Variants in IARS1 observed in about 807,000 individuals in gnomAD.
IARS1 encodes the protein isoleucyl-tRNA synthetase 1, also known as isoleucine--tRNA ligase, cytoplasmic.
A neutral mutation model predicts 168.2 loss-of-function variants in IARS1; 124 were observed. The ratio of observed to expected loss-of-function variants is 0.74; its 90% CI spans 0.64 to 0.86. The LOEUF (loss-of-function observed/expected upper bound fraction) is 0.86. Ranked by LOEUF, IARS1 falls within the 40% of genes least tolerant of loss-of-function variation. The probability of loss-of-function intolerance (pLI) is 0.00; values close to 1 mark genes in which losing one functional copy is unlikely to be tolerated. For missense variants in IARS1, 1,452 were observed against 1,515.8 expected (o/e 0.96, Z 0.70); for synonymous variants, 532 against 529.4 (o/e 1.00, Z -0.07).
At chr9:92,228,317 C>T (rs913463485) in intron 31 of IARS1, among the ~76,000 whole-genome samples, 4 of 151,934 alleles carry the variant, frequency 2.6e-5, no homozygotes, top group East Asian at 1.9e-4. Flanking sequence ...CAATTCAATA[C>T]GTAACAGCGG....
chr9:92,215,642 C>T lies in IARS1; in HGVS notation c.3707-4753G>A, dbSNP rs1480424225. On this transcript the variant is annotated intron_variant, in intron 33 of 33. Coordinates refer to ENST00000443024, the MANE Select transcript of IARS1 (RefSeq NM_002161.6). ...TGAAGAATGCAGAAGCCTCAGGAGC[C>T]GATGCGATCAACTGGAAGAAAGAAT... Among the ~76,000 whole-genome samples the T allele has an allele frequency of 8.6e-5, 13 of 151,728 alleles. No homozygotes were observed. In the South Asian group the frequency reaches 1.7e-3, roughly 20 times the overall value.
chr9:92,263,621 A>G (rs1344871054), intron 16 of IARS1, among the ~76,000 whole-genome samples: 1 of 152,198 alleles, frequency 6.6e-6, no homozygotes, highest in Admixed American at 6.5e-5. Context: ...GAGAACATCA[A>G]GGGACATGAG....
At chr9:92,290,427 C>T (rs76684723) in intron 1 of IARS1, among the ~76,000 whole-genome samples, 15,817 of 152,158 alleles carry the variant, frequency 0.1, 878 homozygotes, top group Middle Eastern at 0.15. Context: ...GTTATGTATA[C>T]ATCCTGGATA....
chr9:92,228,962 T>C, intron 31 of IARS1, 39 bp downstream of exon 31: 7 of 1,610,870 alleles, frequency 4.3e-6, no homozygotes, highest in Non-Finnish European at 5.9e-6. Flanking sequence ...CAATCCATCT[T>C]GAGTCAAAGG....
chr9:92,274,205 C>A (rs1440786712), intron 10 of IARS1, among the ~76,000 whole-genome samples: 1 of 152,062 alleles, frequency 6.6e-6, no homozygotes, highest in Non-Finnish European at 1.5e-5. Flanking sequence ...ACTCACGGAA[C>A]TGCACACCAA....
intron 21 of IARS1, chr9:92,252,490 G>A (rs1830145054): frequency 4.3e-6 from 2 of 460,368 alleles, no homozygotes; most frequent in African/African-American, 4.0e-5. Context: ...TGACTGGCCA[G>A]GCACGGTGGT....
rs1428340703 is a variant in IARS1, at chr9:92,289,310, T to C, written c.110A>G (p.His37Arg). ...CFQECLKQSK[H>R]KPKFTFYDGP... ...TAAAAAATTCACATACTTTGGTTTA[T>C]GTTTTGATTGCTTTAAGCATTCCTG... The change falls in exon 2 of 34, where the codon CAT (histidine) becomes CGT (arginine). Residue 37 changes from histidine to arginine, a missense_variant. Transcript: ENST00000443024. 7.0e-7 allele frequency: 1 copy of C among 1,434,290 alleles called. No individual in the cohort carries two copies. The highest frequency in any genetic ancestry group is 1.7e-5 in the Admixed American group (1 of 57,188). The allele number at this position is 1,434,290 out of a possible 1,614,324, so 88.8% of individuals were successfully genotyped here.
At position 92,243,030 on chromosome 9, in the gene IARS1, G is replaced by C. The variant is rs755801455; in HGVS notation, c.3000+186C>G. The stretch of plus-strand genomic sequence containing the variant: ...AGGCTGGCTGAAAGCTACGACTTGG[G>C]AGTGAACACGTGGGGAGAGGAAGAG... On this transcript the variant is annotated intron_variant, in intron 28 of 33. Coordinates refer to ENST00000443024, the MANE Select transcript of IARS1 (RefSeq NM_002161.6). The C allele has an allele frequency of 4.5e-5, 23 of 509,080 alleles. 1 individual carries two copies. Among genetic ancestry groups the C allele is most frequent in the Non-Finnish European group, 7.3e-5 (20 of 275,316 alleles). The allele number at this position is 509,080 out of a possible 1,614,324, so 31.5% of individuals were successfully genotyped here.
At chr9:92,268,089 A>T (rs935599651) in intron 14 of IARS1, 85 bp downstream of exon 14, 1 of 1,374,044 alleles carries the variant, frequency 7.3e-7, no homozygotes, top group Non-Finnish European at 9.7e-7. Context: ...AGAAAAAAAC[A>T]CCCTATTCTT....
At chr9:92,260,262 T>TA in intron 17 of IARS1, 28 bp from the exon 18 acceptor site, 1 of 1,345,912 alleles carries the variant, frequency 7.4e-7, no homozygotes, top group Non-Finnish European at 1.1e-6. Flanking sequence ...AGATGCCAAT[T>TA]AAGTAAGTCA....
chr9:92,261,036 C>T (rs1032564489), intron 17 of IARS1, among the ~76,000 whole-genome samples: 1 of 152,174 alleles, frequency 6.6e-6, no homozygotes, highest in East Asian at 1.9e-4. Flanking sequence ...CAGCTGGGTG[C>T]GGTGGCTCAT....
At chr9:92,231,405 TA>T (rs1185859577) in intron 30 of IARS1, among the ~76,000 whole-genome samples, 1 of 151,630 alleles carries the variant, frequency 6.6e-6, no homozygotes, top group Non-Finnish European at 1.5e-5. Context: ...GTATATGTGT[TA>T]TTTTTTTCTT....
chr9:92,273,064 G>C (rs546793035), intron 10 of IARS1, among the ~76,000 whole-genome samples: 2 of 149,946 alleles, frequency 1.3e-5, no homozygotes, highest in Non-Finnish European at 3.0e-5. Context: ...CCCAGGAGAC[G>C]GAGATTGCAG....
intron 17 of IARS1, among the ~76,000 whole-genome samples, chr9:92,262,068 T>TA (rs35738102): frequency 0.4 from 57,352 of 142,280 alleles, 12,999 homozygotes; most frequent in African/African-American, 0.64. Flanking sequence ...AATTTTCAAT[T>TA]AAAAAAAAAA....
intron 1 of IARS1, among the ~76,000 whole-genome samples, chr9:92,290,896 A>C (rs1043719028): frequency 2.0e-5 from 3 of 152,148 alleles, no homozygotes; most frequent in Non-Finnish European, 4.4e-5. Flanking sequence ...TTTGAGGAAA[A>C]CTGGTAAAAC....
intron 9 of IARS1, among the ~76,000 whole-genome samples, chr9:92,274,810 C>T (rs1833567951): frequency 6.6e-6 from 1 of 152,144 alleles, no homozygotes; most frequent in African/African-American, 2.4e-5. Flanking sequence ...CTCCCTCCCC[C>T]AACTTTTTGT....
At position 92,265,570 on chromosome 9, in the gene IARS1, T is replaced by C; in HGVS notation, c.1432-17A>G. ...GCATACCACCTGTCAAAAACAAAGT[T>C]CAATAGCAGGAGCTCCTTAGAGCCA... On this transcript the variant is annotated splice_polypyrimidine_tract_variant and intron_variant, in intron 14 of 33. Coordinates refer to ENST00000443024, the MANE Select transcript of IARS1 (RefSeq NM_002161.6). The C allele has an allele frequency of 1.2e-6, 2 of 1,607,522 alleles. No individual in the cohort carries two copies. The highest frequency in any genetic ancestry group is 1.7e-6 in the Non-Finnish European group (2 of 1,174,078).
In IARS1 at chr9:92,265,473, A is replaced by T. The variant is rs1832150433; in HGVS notation, c.1505+7T>A. Reference sequence around the variant, plus strand: ...AACTGAAGTGAATCGAACATTTAGAAACTGACCTCTCTCTGTGGAGATCTG... The same window carrying T: ...AACTGAAGTGAATCGAACATTTAGATACTGACCTCTCTCTGTGGAGATCTG... On this transcript the variant is annotated splice_region_variant and intron_variant, in intron 15 of 33. Transcript: ENST00000443024. 6.2e-7 allele frequency: 1 copy of T among 1,612,552 alleles called. No homozygotes were observed. The highest frequency in any genetic ancestry group is 8.5e-7 in the Non-Finnish European group (1 of 1,178,742).
intron 19 of IARS1, among the ~76,000 whole-genome samples, chr9:92,258,071 TC>T (rs1470321952): frequency 6.6e-6 from 1 of 152,060 alleles, no homozygotes; most frequent in Non-Finnish European, 1.5e-5. Flanking sequence ...CACTGAAAAC[TC>T]CATCGAGAAC....
Sources: gnomAD v4.1 joint callset for allele counts (sites outside exome capture counted in the v4.1 genomes callset) on GRCh38, gnomAD v4.1.1 for gene constraint, MANE v1.5 for transcripts, NCBI Gene and HGNC (gene_info 2026-07-23, HGNC 2026-07-21) for gene names.